NXPH1: variants seen among roughly 807,000 people sequenced by gnomAD.
NXPH1 encodes neurexophilin 1, also known as neurexophilin-1.
In NXPH1, 5 loss-of-function variants were observed where a neutral mutation model predicts 23.7. The observed-to-expected ratio is 0.21, with a 90% CI of 0.11 to 0.44. The LOEUF is 0.44. Among genes scored for constraint, NXPH1 ranks in the 20% least tolerant of loss-of-function variants. The probability of loss-of-function intolerance (pLI) is 0.99; values close to 1 mark genes in which losing one functional copy is unlikely to be tolerated. For missense variants in NXPH1, 324 were observed against 321.6 expected (o/e 1.01, Z -0.06); for synonymous variants, 144 against 122.2 (o/e 1.18, Z -1.18).
chr7:8,435,608 C>T lies in NXPH1; in HGVS notation c.-106C>T, dbSNP rs1816179121. ...TCTAATTTTATTTGCATCTAGGCTGCTGAGAGCGCTCCTTGCTCTGTAAAG... is the reference window on the plus strand; with the variant it reads ...TCTAATTTTATTTGCATCTAGGCTGTTGAGAGCGCTCCTTGCTCTGTAAAG... On this transcript the variant is annotated 5_prime_UTR_variant, in exon 2 of 3. Transcript: ENST00000405863. The surrounding 1 kb of genome is among the most constrained non-coding windows in gnomAD (Gnocchi z 5.9). 1.1e-5 allele frequency: 11 copies of T among 1,021,868 alleles called. No individual in the cohort carries two copies. Among genetic ancestry groups the T allele is most frequent in the South Asian group, 1.0e-4 (8 of 78,662 alleles). The allele number at this position is 1,021,868 out of a possible 1,614,324, so 63.3% of individuals were successfully genotyped here.
chr7:8,479,656 G>A (rs968230137), intron 2 of NXPH1, among the ~76,000 whole-genome samples: 1 of 152,120 alleles, frequency 6.6e-6, no homozygotes. Flanking sequence ...ACTAATTCCA[G>A]GTCTGGGGCA....
At chr7:8,566,956 A>G (rs188464439) in intron 2 of NXPH1, among the ~76,000 whole-genome samples, 24 of 152,010 alleles carry the variant, frequency 1.6e-4, no homozygotes, top group Admixed American at 1.6e-3. Context: ...AAGAACAAGA[A>G]GAAAAAAAGA....
chr7:8,559,592 A>G (rs527654246), intron 2 of NXPH1, among the ~76,000 whole-genome samples: 1 of 151,848 alleles, frequency 6.6e-6, no homozygotes, highest in South Asian at 2.1e-4. Context: ...TTCAGCGCTA[A>G]GTTAACAGGT....
intron 2 of NXPH1, among the ~76,000 whole-genome samples, chr7:8,679,951 G>A (rs895435629): frequency 5.3e-5 from 8 of 152,266 alleles, no homozygotes; most frequent in Non-Finnish European, 1.0e-4. Flanking sequence ...AACCCAGGAG[G>A]CTGAGGTTGC....
At chr7:8,479,045 G>C (rs1488335423) in intron 2 of NXPH1, among the ~76,000 whole-genome samples, 1 of 152,042 alleles carries the variant, frequency 6.6e-6, no homozygotes, top group South Asian at 2.1e-4. Flanking sequence ...ATAAGAACTG[G>C]TGATAAGTTA....
At chr7:8,528,009 T>C (rs1817892236) in intron 2 of NXPH1, among the ~76,000 whole-genome samples, 1 of 152,256 alleles carries the variant, frequency 6.6e-6, no homozygotes, top group South Asian at 2.1e-4. Flanking sequence ...TTCTTCGTGT[T>C]AGTTTTCTTT....
At chr7:8,676,364 A>C (rs2115173279) in intron 2 of NXPH1, among the ~76,000 whole-genome samples, 1 of 152,310 alleles carries the variant, frequency 6.6e-6, no homozygotes. Context: ...TAAGATGAGT[A>C]GCTGTAAACT....
chr7:8,553,823 A>T (rs1282012589), intron 2 of NXPH1, among the ~76,000 whole-genome samples: 3 of 151,664 alleles, frequency 2.0e-5, no homozygotes, highest in Admixed American at 2.0e-4. Context: ...AAATAAAACA[A>T]ACTACAGGTT....
intron 2 of NXPH1, among the ~76,000 whole-genome samples, chr7:8,530,494 A>G (rs1464094513): frequency 1.3e-5 from 2 of 152,224 alleles, no homozygotes; most frequent in African/African-American, 2.4e-5. Flanking sequence ...TGAACTAGAC[A>G]TCTAAGACCT....
At chr7:8,706,923 GTGATGAGAAATTAA>G (rs1779715293) in intron 2 of NXPH1, among the ~76,000 whole-genome samples, 1 of 152,072 alleles carries the variant, frequency 6.6e-6, no homozygotes, top group African/African-American at 2.4e-5. Context: ...AAGGGGGTGA[GTGATGAGAAATTAA>G]TGGGTACAAT....
intron 2 of NXPH1, among the ~76,000 whole-genome samples, chr7:8,600,082 A>G (rs1819323247): frequency 6.6e-6 from 1 of 152,032 alleles, no homozygotes; most frequent in African/African-American, 2.4e-5. Context: ...TTCTAAGAAA[A>G]TATTTATTTA....
chr7:8,576,327 G>A (rs1428387494), intron 2 of NXPH1, among the ~76,000 whole-genome samples: 1 of 152,140 alleles, frequency 6.6e-6, no homozygotes, highest in Non-Finnish European at 1.5e-5. Context: ...GTAGGAGTGA[G>A]GAGAATGTGG....
intron 2 of NXPH1, among the ~76,000 whole-genome samples, chr7:8,565,277 C>T (rs967870163): frequency 6.6e-6 from 1 of 151,776 alleles, no homozygotes; most frequent in African/African-American, 2.4e-5. Context: ...TTTCTTTTCT[C>T]TCAAGAGTAT....
chr7:8,548,773 A>G (rs558012477), intron 2 of NXPH1, among the ~76,000 whole-genome samples: 85 of 151,630 alleles, frequency 5.6e-4, no homozygotes, highest in African/African-American at 1.9e-3. Context: ...TCTGTTAAGC[A>G]TAACTGTTTT....
At chr7:8,649,523 C>A (rs1820456040) in intron 2 of NXPH1, among the ~76,000 whole-genome samples, 3 of 152,072 alleles carry the variant, frequency 2.0e-5, no homozygotes, top group Admixed American at 2.0e-4. Flanking sequence ...CTTAGTATTT[C>A]TCTTCGGTGG....
intron 2 of NXPH1, among the ~76,000 whole-genome samples, chr7:8,659,934 C>A (rs991786120): frequency 4.6e-5 from 7 of 152,210 alleles, no homozygotes; most frequent in Non-Finnish European, 7.4e-5. Context: ...TGCAGATAAA[C>A]AATTTGGGGA....
intron 2 of NXPH1, among the ~76,000 whole-genome samples, chr7:8,460,669 T>C (rs1816678275): frequency 6.6e-6 from 1 of 152,210 alleles, no homozygotes; most frequent in African/African-American, 2.4e-5. Context: ...CAACAGTGTT[T>C]TGAATGGTTA....
At chr7:8,615,471 C>G (rs1188591366) in intron 2 of NXPH1, among the ~76,000 whole-genome samples, 1 of 151,900 alleles carries the variant, frequency 6.6e-6, no homozygotes, top group East Asian at 1.9e-4. Context: ...GGTGTTACTG[C>G]TATCTCTTGG....
intron 2 of NXPH1, among the ~76,000 whole-genome samples, chr7:8,453,660 C>A (rs1454846270): frequency 6.6e-6 from 1 of 152,128 alleles, no homozygotes; most frequent in Non-Finnish European, 1.5e-5. Flanking sequence ...ATTCCTCTAA[C>A]ATGCTTTACA....
Sources: allele counts gnomAD v4.1 joint callset (sites outside exome capture counted in the v4.1 genomes callset), GRCh38; gene constraint gnomAD v4.1.1; non-coding constraint Gnocchi (gnomAD v3.1); transcripts MANE v1.5; gene names NCBI Gene and HGNC (gene_info 2026-07-23, HGNC 2026-07-21).